Variants in SYBU observed in about 807,000 individuals in gnomAD.
The protein encoded by SYBU is syntabulin, also known as GOLSYN A protein.
A neutral mutation model predicts 35.9 loss-of-function variants in SYBU; 21 were observed. The ratio of observed to expected loss-of-function variants is 0.58; its 90% confidence interval spans 0.41 to 0.84. The LOEUF is 0.84. Ranked by LOEUF, SYBU falls within the 40% of genes least tolerant of loss-of-function variation. The pLI, the probability that SYBU is intolerant of heterozygous loss-of-function variation, is 0.00. For missense variants in SYBU, 768 were observed against 848.2 expected (o/e 0.91, Z 1.17); for synonymous variants, 319 against 324.3 (o/e 0.98, Z 0.18).
intron 1 of SYBU, among the ~76,000 whole-genome samples, chr8:109,670,279 G>C (rs1816930261): frequency 6.6e-6 from 1 of 150,624 alleles, no homozygotes; most frequent in African/African-American, 2.4e-5. Flanking sequence ...TTAAGTTCTA[G>C]GGTACCTGTG....
intron 1 of SYBU, among the ~76,000 whole-genome samples, chr8:109,664,711 G>A (rs1212223694): frequency 6.6e-6 from 1 of 152,150 alleles, no homozygotes; most frequent in Non-Finnish European, 1.5e-5. Context: ...GAAGAAAGAT[G>A]AGCAGGTGAG....
chr8:109,678,434 CTTTTTTTTTTTTTT>C (rs10717299), intron 1 of SYBU, among the ~76,000 whole-genome samples: 1 of 58,360 alleles, frequency 1.7e-5, no homozygotes, highest in Admixed American at 2.5e-4. Flanking sequence ...TTCAAATAAC[CTTTTTTTTTTTTTT>C]TTTTTTTTTT....
intron 3 of SYBU, among the ~76,000 whole-genome samples, chr8:109,613,310 G>A (rs985556291): frequency 6.6e-6 from 1 of 152,212 alleles, no homozygotes; most frequent in Non-Finnish European, 1.5e-5. Flanking sequence ...ATGACCATCA[G>A]TAACATTTAG....
upstream of SYBU, among the ~76,000 whole-genome samples, chr8:109,683,687 G>A (rs895386175): frequency 6.6e-6 from 1 of 152,090 alleles, no homozygotes; most frequent in African/African-American, 2.4e-5. Flanking sequence ...GAGGGGCCAG[G>A]GGCAGAATGA....
intron 2 of SYBU, among the ~76,000 whole-genome samples, chr8:109,619,734 C>G (rs557264779): frequency 5.4e-4 from 82 of 152,278 alleles, no homozygotes; most frequent in Middle Eastern, 6.8e-3. Context: ...AATAAAATTA[C>G]TTGAATATTA....
intron 1 of SYBU, among the ~76,000 whole-genome samples, chr8:109,658,992 A>C (rs1410129020): frequency 6.6e-6 from 1 of 151,978 alleles, no homozygotes; most frequent in East Asian, 1.9e-4. Flanking sequence ...AACAAAAAAA[A>C]CCTTCTGCAT....
At chr8:109,624,232 C>A (rs994592763) in intron 2 of SYBU, among the ~76,000 whole-genome samples, 8 of 152,112 alleles carry the variant, frequency 5.3e-5, no homozygotes, top group Non-Finnish European at 1.2e-4. Flanking sequence ...CCCTTTCACC[C>A]CCAAAATGCC....
At chr8:109,607,436 A>G (rs965278928) in intron 3 of SYBU, among the ~76,000 whole-genome samples, 6 of 152,174 alleles carry the variant, frequency 3.9e-5, no homozygotes, top group African/African-American at 1.4e-4. Context: ...TTGATAATAA[A>G]TACATCGTGT....
intron 2 of SYBU, among the ~76,000 whole-genome samples, chr8:109,641,182 G>T (rs1373307479): frequency 1.3e-5 from 2 of 152,174 alleles, no homozygotes; most frequent in Non-Finnish European, 2.9e-5. Flanking sequence ...TCTAAGTCAT[G>T]TGCTTCAATG....
chr8:109,662,465 TG>T (rs1447630999), intron 1 of SYBU, among the ~76,000 whole-genome samples: 1 of 152,198 alleles, frequency 6.6e-6, no homozygotes, highest in African/African-American at 2.4e-5. Context: ...AAACTACTCC[TG>T]GTCTAGTCCC....
chr8:109,618,208 A>C (rs1812029775), intron 3 of SYBU, among the ~76,000 whole-genome samples: 1 of 152,240 alleles, frequency 6.6e-6, no homozygotes, highest in African/African-American at 2.4e-5. Context: ...TCTGAGATAC[A>C]AAATATTCAT....
intron 5 of SYBU, 24 bp downstream of exon 5, chr8:109,579,775 A>G: frequency 6.2e-7 from 1 of 1,604,110 alleles, no homozygotes; most frequent in Non-Finnish European, 8.5e-7. Context: ...ACTAAGATGC[A>G]TGAATTAGGT....
intron 1 of SYBU, among the ~76,000 whole-genome samples, chr8:109,653,267 C>T (rs547982254): frequency 1.3e-5 from 2 of 152,118 alleles, no homozygotes; most frequent in African/African-American, 4.8e-5. Flanking sequence ...ATAGAGAGTT[C>T]CCATATATCC....
At chr8:109,674,920 T>C (rs1261589467) in intron 1 of SYBU, among the ~76,000 whole-genome samples, 1 of 151,896 alleles carries the variant, frequency 6.6e-6, no homozygotes, top group African/African-American at 2.4e-5. Flanking sequence ...AAATGCAAAA[T>C]AACTGAAATC....
chr8:109,620,046 G>A (rs1812250195), intron 2 of SYBU, among the ~76,000 whole-genome samples: 1 of 152,160 alleles, frequency 6.6e-6, no homozygotes, highest in South Asian at 2.1e-4. Context: ...TATGGAAACA[G>A]GAAAGTCATA....
chr8:109,588,467 G>A (rs1415455754), intron 3 of SYBU, among the ~76,000 whole-genome samples: 2 of 152,020 alleles, frequency 1.3e-5, no homozygotes. Flanking sequence ...AGGCACATTC[G>A]GGTCCCTGCA....
chr8:109,642,615 C>A (rs1815035807), intron 2 of SYBU, 113 bp downstream of exon 2: 4 of 583,750 alleles, frequency 6.9e-6, no homozygotes, highest in Non-Finnish European at 1.1e-5. Context: ...TACAATTCAT[C>A]CTAATAGTAG....
At chr8:109,668,247 A>G (rs1816839756) in intron 1 of SYBU, among the ~76,000 whole-genome samples, 1 of 151,468 alleles carries the variant, frequency 6.6e-6, no homozygotes, top group East Asian at 1.9e-4. Context: ...TGAGATTTAA[A>G]GTGAAATGCG....
intron 1 of SYBU, among the ~76,000 whole-genome samples, chr8:109,657,516 T>C (rs770402633): frequency 1.3e-5 from 2 of 152,226 alleles, no homozygotes; most frequent in Non-Finnish European, 2.9e-5. Context: ...TCCATAGAAA[T>C]GCACATTAGA....
Sources: gnomAD v4.1 joint callset for allele counts (sites outside exome capture counted in the v4.1 genomes callset) on GRCh38, gnomAD v4.1.1 for gene constraint, MANE v1.5 for transcripts, NCBI Gene and HGNC (gene_info 2026-07-23, HGNC 2026-07-21) for gene names.